Variants in FYB1 observed in about 807,000 individuals in gnomAD.
FYB1 encodes the protein FYN-binding protein 1.
FYB1 carries 41 observed loss-of-function variants against 94.1 expected under a neutral mutation model. The ratio of observed to expected loss-of-function variants is 0.44; its 90% confidence interval spans 0.34 to 0.57. The LOEUF is 0.57. Ranked by LOEUF, FYB1 falls within the 20% of genes least tolerant of loss-of-function variation. The pLI is 0.02. For missense variants in FYB1, 1,050 were observed against 976.8 expected, an observed-to-expected ratio of 1.07 and a Z score of -1.00; for synonymous variants, 367 against 353.2, an observed-to-expected ratio of 1.04 and a Z score of -0.44.
At chr5:39,241,184 G>C (rs57544840) in intron 1 of FYB1, among the ~76,000 whole-genome samples, 1 of 152,148 alleles carries the variant, frequency 6.6e-6, no homozygotes, top group Non-Finnish European at 1.5e-5. Flanking sequence ...AGAGGATAGA[G>C]AGGATCAAAG....
intron 2 of FYB1, among the ~76,000 whole-genome samples, chr5:39,172,598 C>T (rs1314920449): frequency 6.6e-6 from 1 of 152,158 alleles, no homozygotes; most frequent in Non-Finnish European, 1.5e-5. Context: ...CACCTTCCTC[C>T]CTCCCTCCTG....
At chr5:39,256,916 G>A (rs1481151060) in intron 1 of FYB1, among the ~76,000 whole-genome samples, 1 of 152,194 alleles carries the variant, frequency 6.6e-6, no homozygotes. Flanking sequence ...AGTGATGGTA[G>A]TTCTTTTGGA....
chr5:39,175,322 G>C (rs1210083287), intron 2 of FYB1, among the ~76,000 whole-genome samples: 1 of 152,134 alleles, frequency 6.6e-6, no homozygotes, highest in African/African-American at 2.4e-5. Context: ...AGGGAGACAG[G>C]GTTTGGAGAA....
At chr5:39,151,789 G>A (rs920811392) in intron 3 of FYB1, among the ~76,000 whole-genome samples, 1 of 152,198 alleles carries the variant, frequency 6.6e-6, no homozygotes, top group Admixed American at 6.5e-5. Flanking sequence ...AACGTTTGCA[G>A]GTTGGCAGAG....
At chr5:39,122,188 T>C in intron 14 of FYB1, 148 bp downstream of exon 14, 2 of 582,006 alleles carry the variant, frequency 3.4e-6, no homozygotes, top group Non-Finnish European at 6.2e-6. Flanking sequence ...AGAGCTGAGA[T>C]TGGAAGGAAG....
chr5:39,185,959 G>C (rs1405230186), intron 2 of FYB1, among the ~76,000 whole-genome samples: 1 of 152,086 alleles, frequency 6.6e-6, no homozygotes, highest in Non-Finnish European at 1.5e-5. Flanking sequence ...AGTGGGCGAA[G>C]CTGAGCAGAG....
intron 1 of FYB1, among the ~76,000 whole-genome samples, chr5:39,265,831 A>G (rs1350233744): frequency 2.6e-5 from 4 of 152,196 alleles, no homozygotes; most frequent in Admixed American, 2.6e-4. Context: ...AGCAGAGTGC[A>G]GACTTGAAGT....
chr5:39,170,242 G>T (rs1745126791), intron 2 of FYB1: 3 of 1,006,100 alleles, frequency 3.0e-6, no homozygotes, highest in Admixed American at 2.0e-5. Flanking sequence ...GCTGGTGGTG[G>T]TGTCTTTCCT....
Position 39,153,563 on chromosome 5 carries a change from G to A in FYB1, c.1177C>T (p.Pro393Ser). ...GCCGGATGGGATGGTGGAGGTGGTG[G>A]CAGGGAAGTTGTTGAGTAAGACGTC... ...GQTSYSTTSL[P>S]PPPPSHPASQ... The change falls in exon 3 of 19, where the codon CCA (proline) becomes TCA (serine). Residue 393 changes from proline to serine, a missense_variant. By Grantham distance (74) the Pro-to-Ser change is moderately conservative (BLOSUM62 -1). Coordinates refer to ENST00000512982, the MANE Select transcript of FYB1 (RefSeq NM_001465.6). The A allele has an allele frequency of 6.2e-7, 1 of 1,613,834 alleles. No individual in the cohort carries two copies. Among genetic ancestry groups the A allele is most frequent in the Non-Finnish European group, 8.5e-7 (1 of 1,179,832 alleles).
intron 6 of FYB1, 170 bp from the exon 7 acceptor site, chr5:39,137,890 C>G: frequency 1.3e-6 from 1 of 768,050 alleles, no homozygotes. Context: ...TTTTTAAAAC[C>G]AGTAGGAGGC....
intron 2 of FYB1, among the ~76,000 whole-genome samples, chr5:39,183,812 C>T (rs868191164): frequency 6.6e-6 from 1 of 152,022 alleles, no homozygotes; most frequent in Non-Finnish European, 1.5e-5. Context: ...AATGGAGATA[C>T]GTAGGCCTCA....
At chr5:39,264,760 G>T (rs1752356872) in intron 1 of FYB1, among the ~76,000 whole-genome samples, 1 of 152,162 alleles carries the variant, frequency 6.6e-6, no homozygotes, top group African/African-American at 2.4e-5. Context: ...GAAGAGGGAT[G>T]TTTTATAAGC....
Position 39,134,360 on chromosome 5 carries a change from G to T in FYB1, c.1676-11C>A. ...TTTTAATATAGCCATCTACCAAAAA[G>T]GGAAATATTTATGTTCAGGCAACTG... is the stretch of plus-strand genomic sequence containing the variant. On this transcript the variant is annotated splice_polypyrimidine_tract_variant and intron_variant, in intron 8 of 18. Transcript: ENST00000512982. 1.3e-6 allele frequency: 2 copies of T among 1,578,630 alleles called. No individual in the cohort carries two copies. The highest frequency in any genetic ancestry group is 1.7e-6 in the Non-Finnish European group (2 of 1,155,216).
intron 9 of FYB1, among the ~76,000 whole-genome samples, chr5:39,133,387 G>A (rs969375261): frequency 1.3e-5 from 2 of 152,112 alleles, no homozygotes; most frequent in African/African-American, 4.8e-5. Context: ...GGGGATTATG[G>A]CTTTAAACTG....
intron 2 of FYB1, among the ~76,000 whole-genome samples, chr5:39,167,805 G>T (rs1744874965): frequency 6.6e-6 from 1 of 152,330 alleles, no homozygotes; most frequent in Admixed American, 6.5e-5. Context: ...CTTCAGCAAT[G>T]TGCCTCAATG....
chr5:39,246,042 C>A (rs1388782718), intron 1 of FYB1, among the ~76,000 whole-genome samples: 1 of 152,148 alleles, frequency 6.6e-6, no homozygotes, highest in East Asian at 1.9e-4. Flanking sequence ...CTCTGTTGTT[C>A]CAAGAGGAAA....
chr5:39,253,858 G>T (rs1751831194), intron 1 of FYB1, among the ~76,000 whole-genome samples: 1 of 152,090 alleles, frequency 6.6e-6, no homozygotes, highest in South Asian at 2.1e-4. Context: ...CCTCTGATAT[G>T]CCCCAGTGTG....
chr5:39,201,734 A>G (rs1272177666), intron 2 of FYB1, 92 bp downstream of exon 2: 1 of 1,157,818 alleles, frequency 8.6e-7, no homozygotes, highest in African/African-American at 1.6e-5. Context: ...GATATAGAGA[A>G]TCATTCCTTG....
intron 9 of FYB1, among the ~76,000 whole-genome samples, chr5:39,133,817 C>G (rs1580349352): frequency 6.6e-6 from 1 of 151,850 alleles, no homozygotes; most frequent in East Asian, 1.9e-4. Flanking sequence ...AAAATAACAA[C>G]AAATATATTT....
Sources: gnomAD v4.1 joint callset for allele counts (sites outside exome capture counted in the v4.1 genomes callset) on GRCh38, gnomAD v4.1.1 for gene constraint, MANE v1.5 for transcripts, NCBI Gene and HGNC (gene_info 2026-07-23, HGNC 2026-07-21) for gene names.